Variants in POF1B observed in about 807,000 individuals in gnomAD.
The protein encoded by POF1B is POF1B actin binding protein.
In POF1B, 53 loss-of-function variants were observed where a neutral mutation model predicts 55.3. That is an observed-to-expected ratio of 0.96 (90% CI 0.77 to 1.20). The LOEUF (loss-of-function observed/expected upper bound fraction) is 1.20, where lower values mean the gene tolerates loss of function less well. Among genes scored for constraint, POF1B ranks in the 50% most tolerant of loss-of-function variants. The pLI, the probability that POF1B is intolerant of heterozygous loss-of-function variation, is 0.00. For synonymous variants in POF1B, 188 were observed against 148.3 expected (o/e 1.27, Z -1.95); for missense variants, 478 against 420.5 (o/e 1.14, Z -1.20).
intron 7 of POF1B, among the ~76,000 whole-genome samples, chrX:85,317,103 A>G (rs1932794374): frequency 9.1e-6 from 1 of 109,476 alleles, no homozygotes; most frequent in Non-Finnish European, 1.9e-5. Context: ...GATGTACCAC[A>G]TTTCCTTTAT....
intron 15 of POF1B, among the ~76,000 whole-genome samples, chrX:85,284,379 G>A (rs1039790196): frequency 9.0e-6 from 1 of 111,615 alleles, no homozygotes; most frequent in Non-Finnish European, 1.9e-5. Flanking sequence ...AAAAGCCGGA[G>A]GCATCACGCT....
rs142665633 is a variant in POF1B at position 85,360,527 on chromosome X, G to GTATATATATATATATATA, written c.358-915_358-898dup. Among the ~76,000 whole-genome samples the GTATATATATATATATATA allele has an allele frequency of 3.9e-4, 23 of 58,510 alleles. 1 individual carries two copies. The highest frequency in any genetic ancestry group is 2.1e-3 in the African/African-American group (20 of 9,572). 50.8% of individuals were successfully genotyped at this position (58,510 alleles called of 115,157 possible). On this transcript the variant is annotated intron_variant, in intron 3 of 16. Transcript: ENST00000262753. ...ATGGCTGCCTAGTATTCCATGGTATGTATATATATATATATATATATATAT... is the reference window on the plus strand; with the variant it reads ...ATGGCTGCCTAGTATTCCATGGTATGTATATATATATATATATATATATATATATATATATATATATAT...
chrX:85,360,876 C>CTGTTAGGTTTTAT (rs1285566260), intron 3 of POF1B, among the ~76,000 whole-genome samples: 3 of 110,299 alleles, frequency 2.7e-5, no homozygotes, highest in Non-Finnish European at 5.7e-5. Flanking sequence ...TCACCAGCAT[C>CTGTTAGGTTTTAT]TGTTAGGTTT....
intron 2 of POF1B, among the ~76,000 whole-genome samples, chrX:85,374,264 A>G (rs1306483004): frequency 9.0e-6 from 1 of 111,033 alleles, no homozygotes; most frequent in Non-Finnish European, 1.9e-5. Flanking sequence ...TTCCACATAG[A>G]CCTTTTTGGG....
chrX:85,281,100 T>G (rs777455256), intron 16 of POF1B, among the ~76,000 whole-genome samples: 1 of 110,530 alleles, frequency 9.0e-6, no homozygotes, highest in East Asian at 2.9e-4. Flanking sequence ...AGTTGGCCCT[T>G]GGTATTCATG....
intron 4 of POF1B, 82 bp from the exon 5 acceptor site, chrX:85,351,533 G>T: frequency 1.5e-6 from 1 of 672,629 alleles, no homozygotes; most frequent in South Asian, 2.6e-5. Context: ...ATCCAGTGTC[G>T]AATAGGCTCT....
intron 15 of POF1B, among the ~76,000 whole-genome samples, chrX:85,297,281 A>G (rs1401424921): frequency 2.7e-5 from 3 of 112,329 alleles, no homozygotes; most frequent in Non-Finnish European, 3.8e-5. Context: ...TTTGAAGATA[A>G]AGGGAAACTC....
At position 85,304,418 on chromosome X, in the gene POF1B, A is replaced by G; in HGVS notation, c.1491T>C (p.Ser497=). 1 of 1,192,705 alleles carries G rather than the reference A, an allele frequency of 8.4e-7. No individual in the cohort carries two copies. The highest frequency in any genetic ancestry group is 1.1e-6 in the Non-Finnish European group (1 of 883,285). The change falls in exon 14 of 17, where the codon AGT becomes AGC. Residue 497 remains serine (S), a synonymous_variant. Transcript: ENST00000262753. ...KDVSKREGSC[S]DFQFKLHELT... ...GTTCATGAAGCTTAAATTGGAAGTC[A>G]CTACAACTTCCTTCTCTCTTTGAAA... is the stretch of plus-strand genomic sequence containing the variant.
chrX:85,320,213 C>A (rs1279818131), intron 7 of POF1B, among the ~76,000 whole-genome samples: 1 of 110,550 alleles, frequency 9.0e-6, no homozygotes, highest in Non-Finnish European at 1.9e-5. Context: ...CTTTTCATTT[C>A]TGATTGCATT....
intron 4 of POF1B, among the ~76,000 whole-genome samples, chrX:85,356,676 T>C (rs1031013641): frequency 1.8e-5 from 2 of 111,249 alleles, no homozygotes; most frequent in Non-Finnish European, 3.8e-5. Context: ...TAATCAGACG[T>C]TTTAGATGTC....
intron 7 of POF1B, among the ~76,000 whole-genome samples, chrX:85,328,568 G>T (rs1179580195): frequency 9.0e-6 from 1 of 110,810 alleles, no homozygotes. Context: ...AAGGAAAATT[G>T]GTTCTCAGAG....
chrX:85,301,558 A>T (rs1171073019), intron 15 of POF1B, among the ~76,000 whole-genome samples: 2 of 111,719 alleles, frequency 1.8e-5, no homozygotes, highest in African/African-American at 6.5e-5. Flanking sequence ...TCTATACAGC[A>T]TCCCAAATCC....
At chrX:85,351,500 G>T in intron 4 of POF1B, 49 bp from the exon 5 acceptor site, 2 of 977,780 alleles carry the variant, frequency 2.0e-6, no homozygotes, top group South Asian at 4.2e-5. Context: ...TGTCTTTTCA[G>T]AGTAACCTTA....
intron 6 of POF1B, among the ~76,000 whole-genome samples, chrX:85,332,636 C>T (rs188854823): frequency 3.2e-4 from 36 of 111,404 alleles, no homozygotes; most frequent in African/African-American, 1.1e-3. Context: ...CCTTAAAAAA[C>T]TGTACATTCT....
At chrX:85,285,285 G>A (rs1473787777) in intron 15 of POF1B, among the ~76,000 whole-genome samples, 2 of 111,173 alleles carry the variant, frequency 1.8e-5, no homozygotes, top group Non-Finnish European at 3.8e-5. Context: ...ATTTGACCCA[G>A]CCATCCCATT....
At position 85,359,567 on chromosome X, in the gene POF1B, C is replaced by T. The variant is rs752746114; in HGVS notation, c.421G>A (p.Val141Ile). Residue 141 changes from valine to isoleucine, a missense_variant, in exon 4 of 17, where the codon GTA becomes ATA. Val to Ile is a conservative substitution (Grantham distance 29). Coordinates refer to ENST00000262753, the MANE Select transcript of POF1B (RefSeq NM_024921.4). ...YPQTTIRKYV[V>I]QNPEQEPLSQ... ...TGTCTTACCTGTTCAGGATTTTGTA[C>T]TACATATTTCCTAATAGTGGTCTGT... is the stretch of plus-strand genomic sequence containing the variant. 7.5e-6 allele frequency: 9 copies of T among 1,194,773 alleles called. No homozygotes were observed. In the East Asian group the frequency reaches 2.4e-4, roughly 32 times the overall value.
chrX:85,344,667 C>T (rs1555985688), intron 6 of POF1B, among the ~76,000 whole-genome samples: 1 of 111,674 alleles, frequency 9.0e-6, no homozygotes, highest in African/African-American at 3.2e-5. Context: ...ATCTAATACA[C>T]TTAAGGTAAA....
Position 85,306,296 on chromosome X carries a change from A to C in POF1B, c.1202T>G (p.Leu401Trp), listed in dbSNP as rs776596654. The change falls in exon 12 of 17, where the codon TTG becomes TGG. Residue 401 changes from leucine to tryptophan, a missense_variant. Coordinates refer to ENST00000262753, the MANE Select transcript of POF1B (RefSeq NM_024921.4). ...TCGAAGAGAGAGATTGTTTTCTTCC[A>C]ATGCCTGGCATTTTGAACTTGAGTC... ...LQDSSSKCQA[L>W]EENNLSLRHT... 6 of 1,209,111 alleles carry C rather than the reference A, an allele frequency of 5.0e-6. No homozygotes were observed. Among genetic ancestry groups the C allele is most frequent in the Non-Finnish European group, 6.7e-6 (6 of 893,873 alleles).
chrX:85,299,541 G>A (rs1932394936), intron 15 of POF1B, among the ~76,000 whole-genome samples: 1 of 104,888 alleles, frequency 9.5e-6, no homozygotes, highest in Non-Finnish European at 1.9e-5. Flanking sequence ...GCCCGCCTCG[G>A]CCTCCCAAAG....
Sources: allele counts gnomAD v4.1 joint callset (sites outside exome capture counted in the v4.1 genomes callset), GRCh38; gene constraint gnomAD v4.1.1; transcripts MANE v1.5; gene names NCBI Gene and HGNC (gene_info 2026-07-23, HGNC 2026-07-21).